Variants in CAMKMT observed in about 807,000 individuals in gnomAD.
CAMKMT encodes the protein CaM KMT.
Under a neutral mutation model 48.0 loss-of-function variants are expected in CAMKMT, and 53 were observed. The ratio of observed to expected loss-of-function variants is 1.10; its 90% CI spans 0.89 to 1.39. The LOEUF (loss-of-function observed/expected upper bound fraction) is 1.39, where lower values mean the gene tolerates loss of function less well. Ranked by LOEUF, CAMKMT falls within the 40% of genes most tolerant of loss-of-function variation. CAMKMT has a pLI of 0.00. For synonymous variants in CAMKMT, 165 were observed against 152.3 expected (o/e 1.08, Z -0.61); for missense variants, 428 against 402.7 (o/e 1.06, Z -0.54).
chr2:44,713,056 C>T (rs981023342), intron 6 of CAMKMT, among the ~76,000 whole-genome samples: 2 of 152,082 alleles, frequency 1.3e-5, no homozygotes, highest in African/African-American at 2.4e-5. Context: ...AGCCTAAATA[C>T]TGCTGTCGAA....
At chr2:44,521,210 C>G (rs1671090138) in intron 3 of CAMKMT, among the ~76,000 whole-genome samples, 2 of 152,164 alleles carry the variant, frequency 1.3e-5, no homozygotes, top group Non-Finnish European at 2.9e-5. Context: ...CATGGTAATA[C>G]TGTTTTCAAC....
intron 3 of CAMKMT, among the ~76,000 whole-genome samples, chr2:44,660,924 T>A (rs1674645330): frequency 6.6e-6 from 1 of 152,204 alleles, no homozygotes; most frequent in African/African-American, 2.4e-5. Flanking sequence ...ACTAGCAATA[T>A]ATGGCATCAA....
At chr2:44,679,532 A>G (rs1442641252) in intron 3 of CAMKMT, among the ~76,000 whole-genome samples, 1 of 152,268 alleles carries the variant, frequency 6.6e-6, no homozygotes, top group Non-Finnish European at 1.5e-5. Flanking sequence ...ACGAGGGGAA[A>G]GAAATGCCAT....
At chr2:44,375,345 A>G (rs1679576504) in intron 2 of CAMKMT, among the ~76,000 whole-genome samples, 1 of 151,808 alleles carries the variant, frequency 6.6e-6, no homozygotes, top group African/African-American at 2.4e-5. Context: ...ATTCAAACCA[A>G]TAAATATTTA....
chr2:44,527,949 C>T (rs1666253940), intron 3 of CAMKMT, among the ~76,000 whole-genome samples: 1 of 152,082 alleles, frequency 6.6e-6, no homozygotes, highest in African/African-American at 2.4e-5. Context: ...ATGTATTTGC[C>T]ATGACTGTAT....
At chr2:44,409,694 A>C (rs964294858) in intron 3 of CAMKMT, among the ~76,000 whole-genome samples, 3 of 152,198 alleles carry the variant, frequency 2.0e-5, no homozygotes, top group African/African-American at 7.2e-5. Flanking sequence ...ATGGTAATAG[A>C]AAACATTTTA....
Position 44,465,923 on chromosome 2 carries a change from C to T in CAMKMT, c.376+75618C>T, listed in dbSNP as rs561634019. The stretch of plus-strand genomic sequence containing the variant: ...CAAAATAAACTTTAAGTCAAAAACT[C>T]ACAAGAGACAAAGAAGGACATTATA... On this transcript the variant is annotated intron_variant, in intron 3 of 10. Coordinates refer to ENST00000378494, the MANE Select transcript of CAMKMT (RefSeq NM_024766.5). Among the ~76,000 whole-genome samples the T allele has an allele frequency of 2.6e-5, 4 of 152,196 alleles. 1 individual carries two copies. The highest frequency in any genetic ancestry group is 9.6e-5 in the African/African-American group (4 of 41,550).
intron 1 of CAMKMT, among the ~76,000 whole-genome samples, chr2:44,369,306 A>G (rs1678931360): frequency 6.6e-6 from 1 of 152,248 alleles, no homozygotes; most frequent in South Asian, 2.1e-4. Context: ...CATAGTATAT[A>G]AAATTTAAAC....
At chr2:44,740,124 A>T (rs75109876) in intron 7 of CAMKMT, among the ~76,000 whole-genome samples, 1,238 of 120,218 alleles carry the variant, frequency 0.01, 49 homozygotes, top group African/African-American at 0.037. Flanking sequence ...TGATTGCTGC[A>T]TTTTTTTTTT....
intron 3 of CAMKMT, chr2:44,395,072 AT>A (rs1373057715): frequency 2.4e-6 from 1 of 424,000 alleles, no homozygotes; most frequent in East Asian, 7.1e-5. Context: ...TTTTACTTGT[AT>A]TTAGGAAACC....
chr2:44,677,212 G>A (rs1365177312), intron 3 of CAMKMT, among the ~76,000 whole-genome samples: 2 of 152,184 alleles, frequency 1.3e-5, no homozygotes, highest in African/African-American at 4.8e-5. Flanking sequence ...ATGATTAAGA[G>A]CAGTCGGAGG....
rs181397663 is a variant in CAMKMT, at chr2:44,759,119, T to G, written c.762+5001T>G. On this transcript the variant is annotated intron_variant, in intron 9 of 10. Coordinates refer to ENST00000378494, the MANE Select transcript of CAMKMT (RefSeq NM_024766.5). ...AAATGTAAATCATAAACTCTCATAT[T>G]ATAAAAGCAATTTTTTGGGGGGGAG... Among the ~76,000 whole-genome samples, 535 of 152,296 alleles carry G rather than the reference T, an allele frequency of 3.5e-3. 2 individuals are homozygous for G. Among genetic ancestry groups the G allele is most frequent in the African/African-American group, 0.012 (503 of 41,562 alleles).
At chr2:44,465,241 GAA>G (rs2104631653) in intron 3 of CAMKMT, among the ~76,000 whole-genome samples, 1 of 152,030 alleles carries the variant, frequency 6.6e-6, no homozygotes, top group African/African-American at 2.4e-5. Flanking sequence ...TAACCACAAA[GAA>G]AATACCTACA....
chr2:44,511,490 T>C (rs576585979), intron 3 of CAMKMT, among the ~76,000 whole-genome samples: 1 of 152,016 alleles, frequency 6.6e-6, no homozygotes, highest in Non-Finnish European at 1.5e-5. Flanking sequence ...GGTATCACCA[T>C]GTTAGCCAGG....
At chr2:44,627,609 C>T (rs1475799844) in intron 3 of CAMKMT, among the ~76,000 whole-genome samples, 1 of 146,020 alleles carries the variant, frequency 6.8e-6, no homozygotes, top group African/African-American at 2.5e-5. Flanking sequence ...TCAATTTTGA[C>T]AACTTATATC....
chr2:44,550,720 T>C (rs778118888), intron 3 of CAMKMT: 1 of 152,228 alleles, frequency 6.6e-6, no homozygotes, highest in African/African-American at 2.4e-5. Flanking sequence ...TTGCAGTGAC[T>C]GGATGAGTCA....
At chr2:44,622,413 G>A (rs925722352) in intron 3 of CAMKMT, among the ~76,000 whole-genome samples, 11 of 152,148 alleles carry the variant, frequency 7.2e-5, no homozygotes. Flanking sequence ...GCATGATGCT[G>A]AGGTTTGAAG....
intron 3 of CAMKMT, among the ~76,000 whole-genome samples, chr2:44,407,876 A>G (rs1085443): frequency 0.75 from 113,618 of 151,996 alleles, 43,522 homozygotes; most frequent in African/African-American, 0.88. Flanking sequence ...CTCTTGCTGC[A>G]CTTTACTAAA....
chr2:44,471,062 T>C (rs1668390561), intron 3 of CAMKMT, among the ~76,000 whole-genome samples: 2 of 151,124 alleles, frequency 1.3e-5, no homozygotes, highest in East Asian at 1.9e-4. Context: ...TGGTGCGATC[T>C]TGGCTCACTG....
Sources: allele counts gnomAD v4.1 joint callset (sites outside exome capture counted in the v4.1 genomes callset), GRCh38; gene constraint gnomAD v4.1.1; transcripts MANE v1.5; gene names NCBI Gene and HGNC (gene_info 2026-07-23, HGNC 2026-07-21).